The following STIM1 variants were observed in gnomAD, a reference collection of about 807,000 sequenced individuals.
STIM1 encodes the protein stromal interaction molecule 1.
STIM1 carries 25 observed loss-of-function variants against 74.7 expected under a neutral mutation model. That is an observed-to-expected ratio of 0.33 (90% CI 0.24 to 0.47). The LOEUF (loss-of-function observed/expected upper bound fraction) is 0.47. Among genes scored for constraint, STIM1 ranks in the 20% least tolerant of loss-of-function variants. STIM1 has a pLI of 1.00. For synonymous variants in STIM1, 328 were observed against 348.8 expected, an observed-to-expected ratio of 0.94 and a Z score of 0.66; for missense variants, 728 against 920.8, an observed-to-expected ratio of 0.79 and a Z score of 2.71.
At chr11:4,003,690 C>T (rs1037419584) in intron 2 of STIM1, among the ~76,000 whole-genome samples, 18 of 152,158 alleles carry the variant, frequency 1.2e-4, no homozygotes, top group Non-Finnish European at 2.2e-4. Flanking sequence ...AGACGGGATG[C>T]CCTCTCTCAC....
intron 1 of STIM1, among the ~76,000 whole-genome samples, chr11:3,885,106 TA>T (rs1269387544): frequency 1.3e-5 from 2 of 152,036 alleles, no homozygotes; most frequent in Non-Finnish European, 2.9e-5. Context: ...ATAGATATAT[TA>T]AAAATCACTG....
rs1009404813 is a variant in STIM1, at chr11:4,077,552, A to G, written c.969+2873A>G. Among the ~76,000 whole-genome samples, 40 of 152,180 alleles carry G rather than the reference A, an allele frequency of 2.6e-4. 2 individuals are homozygous for G. On this transcript the variant is annotated intron_variant, in intron 7 of 12. Coordinates refer to ENST00000526596, the MANE Select transcript of STIM1 (RefSeq NM_001382567.1). ...TAAATTTGAATTCCTTGACACATAT[A>G]GAACACTTTGCCTAACTCTAGAATA...
intron 3 of STIM1, among the ~76,000 whole-genome samples, chr11:4,047,276 T>C (rs2094200555): frequency 6.6e-6 from 1 of 152,034 alleles, no homozygotes; most frequent in Non-Finnish European, 1.5e-5. Flanking sequence ...GGCCAGGAGT[T>C]CTAGACCAGC....
At chr11:4,059,462 C>G in intron 5 of STIM1, 66 bp downstream of exon 5, 1 of 1,347,566 alleles carries the variant, frequency 7.4e-7, no homozygotes, top group Non-Finnish European at 1.1e-6. Flanking sequence ...AGTGGATAGG[C>G]TAAGGCTAAG....
At chr11:4,043,946 C>A (rs190943643) in intron 3 of STIM1, among the ~76,000 whole-genome samples, 8 of 151,938 alleles carry the variant, frequency 5.3e-5, no homozygotes, top group African/African-American at 1.9e-4. Flanking sequence ...ACCTGGGAGG[C>A]GGAGGTTGCA....
intron 2 of STIM1, among the ~76,000 whole-genome samples, chr11:4,006,369 C>T (rs959843429): frequency 1.3e-5 from 2 of 152,126 alleles, no homozygotes; most frequent in African/African-American, 2.4e-5. Context: ...GCCAATTAAA[C>T]CTCTTTTCTT....
chr11:3,993,045 A>G (rs1430660915), intron 2 of STIM1, among the ~76,000 whole-genome samples: 1 of 150,844 alleles, frequency 6.6e-6, no homozygotes, highest in Non-Finnish European at 1.5e-5. Context: ...TTCTCAATGT[A>G]GCAGCTAGAG....
chr11:3,892,330 G>A, intron 1 of STIM1: 1 of 967,204 alleles, frequency 1.0e-6, no homozygotes, highest in South Asian at 1.4e-5. Context: ...GGGTGGAGGG[G>A]TGCTCTCCTG....
chr11:3,959,088 C>T (rs2093255177), intron 1 of STIM1, among the ~76,000 whole-genome samples: 1 of 152,072 alleles, frequency 6.6e-6, no homozygotes, highest in African/African-American at 2.4e-5. Flanking sequence ...GAAAATCTTC[C>T]CAGGGCTAGT....
At chr11:3,923,847 T>G (rs181434364) in intron 1 of STIM1, among the ~76,000 whole-genome samples, 20 of 152,256 alleles carry the variant, frequency 1.3e-4, no homozygotes, top group African/African-American at 4.8e-4. Flanking sequence ...TCTATGTGAA[T>G]TTTAGAACTG....
At chr11:4,045,777 T>TA (rs2094187229) in intron 3 of STIM1, among the ~76,000 whole-genome samples, 1 of 148,616 alleles carries the variant, frequency 6.7e-6, no homozygotes, top group Admixed American at 6.7e-5. Flanking sequence ...TTTTTTTTTT[T>TA]TTTTTTGAGA....
At chr11:3,979,860 A>C (rs892752379) in intron 2 of STIM1, among the ~76,000 whole-genome samples, 2 of 151,974 alleles carry the variant, frequency 1.3e-5, no homozygotes, top group Non-Finnish European at 2.9e-5. Context: ...AGTTCTCCTT[A>C]CCTGGAATTA....
intron 1 of STIM1, among the ~76,000 whole-genome samples, chr11:3,933,388 C>A (rs1001419440): frequency 6.6e-6 from 1 of 152,136 alleles, no homozygotes; most frequent in African/African-American, 2.4e-5. Flanking sequence ...AAAGTAAGTA[C>A]TTTTATTCTA....
At chr11:3,914,087 A>C (rs2092606433) in intron 1 of STIM1, among the ~76,000 whole-genome samples, 1 of 152,138 alleles carries the variant, frequency 6.6e-6, no homozygotes, top group South Asian at 2.1e-4. Flanking sequence ...ATTTTTCATC[A>C]TCCCAAACAG....
chr11:4,055,704 A>C, intron 4 of STIM1, 67 bp downstream of exon 4: 1 of 1,266,456 alleles, frequency 7.9e-7, no homozygotes, highest in Non-Finnish European at 1.1e-6. Flanking sequence ...GCCTGCCTTC[A>C]GATTGCTCTG....
At chr11:3,857,562 A>T (rs894114028) in intron 1 of STIM1, among the ~76,000 whole-genome samples, 3 of 151,922 alleles carry the variant, frequency 2.0e-5, no homozygotes, top group African/African-American at 7.3e-5. Context: ...ATTTTACATA[A>T]GGCTTACGAG....
intron 3 of STIM1, among the ~76,000 whole-genome samples, chr11:4,049,196 T>C (rs1030260183): frequency 6.6e-6 from 1 of 152,262 alleles, no homozygotes; most frequent in African/African-American, 2.4e-5. Flanking sequence ...GTTCCTGTTA[T>C]GACAGAAAAT....
In STIM1 at chr11:3,903,908, C is replaced by T. The variant is rs188553990; in HGVS notation, c.139+47499C>T. On this transcript the variant is annotated intron_variant, in intron 1 of 12. Coordinates refer to ENST00000526596, the MANE Select transcript of STIM1 (RefSeq NM_001382567.1). ...TACAATAGAGGTACATAGAAAATGTCCTGGGAAAGGCTGGGCTTGGTGGCT... is the reference window on the plus strand; with the variant it reads ...TACAATAGAGGTACATAGAAAATGTTCTGGGAAAGGCTGGGCTTGGTGGCT... 1.2e-3 allele frequency among the ~76,000 whole-genome samples: 182 copies of T among 152,174 alleles called. 1 individual carries two copies. The highest frequency in any genetic ancestry group is 4.1e-3 in the African/African-American group (171 of 41,528).
chr11:4,054,090 T>C (rs900858052), intron 3 of STIM1, among the ~76,000 whole-genome samples: 4 of 152,238 alleles, frequency 2.6e-5, no homozygotes, highest in African/African-American at 9.6e-5. Context: ...AAATTTAAAT[T>C]GCCACTGTGG....
Sources: gnomAD v4.1 joint callset for allele counts (sites outside exome capture counted in the v4.1 genomes callset) on GRCh38, gnomAD v4.1.1 for gene constraint, MANE v1.5 for transcripts, NCBI Gene and HGNC (gene_info 2026-07-23, HGNC 2026-07-21) for gene names.